The following ABI2 variants were observed in gnomAD, a reference collection of about 807,000 sequenced individuals.
ABI2 encodes abl interactor 2, also known as abelson interactor 2.
In ABI2, 25 loss-of-function variants were observed where a neutral mutation model predicts 59.2. The observed-to-expected ratio is 0.42, with a 90% CI of 0.31 to 0.59. The LOEUF (loss-of-function observed/expected upper bound fraction) is 0.59. Ranked by LOEUF, ABI2 falls within the 20% of genes least tolerant of loss-of-function variation. The pLI, the probability that ABI2 is intolerant of heterozygous loss-of-function variation, is 0.14. For missense variants in ABI2, 545 were observed against 681.8 expected (o/e 0.80, Z 2.23); for synonymous variants, 213 against 235.5 (o/e 0.90, Z 0.87).
chr2:203,341,716 A>C (rs376863891), intron 1 of ABI2, among the ~76,000 whole-genome samples: 3 of 152,342 alleles, frequency 2.0e-5, no homozygotes, highest in African/African-American at 7.2e-5. Context: ...TCTCAAAAAA[A>C]AACAAAAGAA....
At position 203,396,773 on chromosome 2, in the gene ABI2, C is replaced by T. The variant is rs750786500; in HGVS notation, c.851-12C>T. The T allele has an allele frequency of 1.3e-6, 2 of 1,520,934 alleles. No homozygotes were observed. The highest frequency in any genetic ancestry group is 2.5e-5 in the South Asian group (2 of 80,904). The allele number at this position is 1,520,934 out of a possible 1,614,324, so 94.2% of individuals were successfully genotyped here. A position where few individuals can be genotyped will look rare whatever the true frequency, so the allele number is the denominator to read the frequency against. ...CTCATTAATGCTGCCTCTTACTCCT[C>T]TTTCCCCTCAGCCCCTGCTGGCTCT... On this transcript the variant is annotated splice_polypyrimidine_tract_variant and intron_variant, in intron 7 of 11. Coordinates refer to ENST00000261018, the MANE Select transcript of ABI2 (RefSeq NM_001375670.1).
At chr2:203,350,027 G>A (rs1011433230) in intron 1 of ABI2, among the ~76,000 whole-genome samples, 2 of 152,080 alleles carry the variant, frequency 1.3e-5, no homozygotes, top group South Asian at 2.1e-4. Context: ...GTGTGTGAGC[G>A]TTCCAGTTTC....
rs2098451263 is a variant in ABI2, at chr2:203,427,617, A to AT, written c.*266dup. 1.9e-5 allele frequency: 6 copies of AT among 310,354 alleles called. No individual in the cohort carries two copies. The South Asian group carries it at 4.6e-4, about 24-fold the overall frequency. The allele number at this position is 310,354 out of a possible 1,614,324, so 19.2% of individuals were successfully genotyped here. On this transcript the variant is annotated 3_prime_UTR_variant, in exon 12 of 12. Coordinates refer to ENST00000261018, the MANE Select transcript of ABI2 (RefSeq NM_001375670.1). ...TTATGTATGTCAAAGGTATAACAGC[A>AT]TAACTGTGTAGCCAAAACAAAATCA...
intron 2 of ABI2, among the ~76,000 whole-genome samples, chr2:203,379,692 G>A (rs2095978841): frequency 6.6e-6 from 1 of 152,106 alleles, no homozygotes; most frequent in African/African-American, 2.4e-5. Context: ...TTAATGGAGA[G>A]GGAAAAATTA....
chr2:203,412,879 C>A (rs2097734921), intron 10 of ABI2, among the ~76,000 whole-genome samples: 1 of 152,194 alleles, frequency 6.6e-6, no homozygotes, highest in Non-Finnish European at 1.5e-5. Flanking sequence ...GATTTAATTA[C>A]AGTACGAGAA....
At chr2:203,352,658 TTA>T (rs2089565168) in intron 1 of ABI2, among the ~76,000 whole-genome samples, 2 of 152,154 alleles carry the variant, frequency 1.3e-5, no homozygotes, top group South Asian at 4.1e-4. Flanking sequence ...AGTCAAAAGT[TTA>T]TGAGGTAAAA....
chr2:203,411,497 G>T, intron 10 of ABI2, 126 bp downstream of exon 10: 4 of 744,668 alleles, frequency 5.4e-6, no homozygotes, highest in Non-Finnish European at 6.6e-6. Flanking sequence ...ACAAATCACT[G>T]TCTGGCTAGT....
At chr2:203,425,338 G>T (rs1411916223) in intron 11 of ABI2, among the ~76,000 whole-genome samples, 1 of 152,050 alleles carries the variant, frequency 6.6e-6, no homozygotes, top group Non-Finnish European at 1.5e-5. Flanking sequence ...AAGTAGCTGG[G>T]ATTACAGGCG....
chr2:203,408,879 C>T (rs1316343877), intron 9 of ABI2, among the ~76,000 whole-genome samples: 6 of 109,154 alleles, frequency 5.5e-5, no homozygotes, highest in South Asian at 3.9e-4. Flanking sequence ...TCGCCCAGGT[C>T]GGACTGCGGA....
At chr2:203,399,608 C>T (rs781362113) in intron 8 of ABI2, among the ~76,000 whole-genome samples, 5 of 152,256 alleles carry the variant, frequency 3.3e-5, no homozygotes, top group South Asian at 2.1e-4. Flanking sequence ...CTCCGCCTCG[C>T]GGGTTCAAGC....
At chr2:203,335,851 C>T (rs1336573204) in intron 1 of ABI2, among the ~76,000 whole-genome samples, 1 of 152,104 alleles carries the variant, frequency 6.6e-6, no homozygotes, top group Non-Finnish European at 1.5e-5. Flanking sequence ...TGGTACAAGT[C>T]ACCCTTTTTA....
At chr2:203,413,752 A>G (rs1033101111) in intron 10 of ABI2, among the ~76,000 whole-genome samples, 2 of 152,228 alleles carry the variant, frequency 1.3e-5, no homozygotes, top group Admixed American at 1.3e-4. Context: ...CTTTTGGTAC[A>G]TCTTCAAAGA....
chr2:203,336,840 A>G (rs1399216223), intron 1 of ABI2, among the ~76,000 whole-genome samples: 5 of 152,176 alleles, frequency 3.3e-5, no homozygotes, highest in African/African-American at 1.2e-4. Flanking sequence ...CCGTATGGTA[A>G]ATGTGTGTTT....
chr2:203,389,038 C>A (rs2096641531), intron 4 of ABI2, among the ~76,000 whole-genome samples: 1 of 152,000 alleles, frequency 6.6e-6, no homozygotes, highest in Admixed American at 6.6e-5. Context: ...ACTTTGGTTA[C>A]CACTTTAAAA....
At chr2:203,398,034 G>A (rs991636512) in intron 8 of ABI2, among the ~76,000 whole-genome samples, 4 of 152,192 alleles carry the variant, frequency 2.6e-5, no homozygotes, top group African/African-American at 4.8e-5. Flanking sequence ...ATCAATCACC[G>A]TAGTGTTCCA....
chr2:203,335,499 G>A (rs2076050637), intron 1 of ABI2, among the ~76,000 whole-genome samples: 1 of 152,148 alleles, frequency 6.6e-6, no homozygotes, highest in Non-Finnish European at 1.5e-5. Context: ...CTGGGCTCAA[G>A]CAATTCTCCT....
chr2:203,374,781 A>G (rs1258253376), intron 2 of ABI2: 4 of 445,436 alleles, frequency 9.0e-6, no homozygotes, highest in Non-Finnish European at 1.4e-5. Context: ...AAAACACCCA[A>G]TTTAGTTGGG....
intron 6 of ABI2, chr2:203,395,238 G>T (rs1273494350): frequency 1.8e-6 from 1 of 558,832 alleles, no homozygotes; most frequent in Non-Finnish European, 3.1e-6. Flanking sequence ...AATCTGTTTA[G>T]GAAAATGTTT....
At position 203,431,258 on chromosome 2, in the gene ABI2, T is replaced by C. The variant is rs2098481270; in HGVS notation, c.*3906T>C. 6.6e-6 allele frequency: 1 copy of C among 152,642 alleles called. No individual in the cohort carries two copies. Among genetic ancestry groups the C allele is most frequent in the Admixed American group, 6.5e-5 (1 of 15,276 alleles). The allele number at this position is 152,642 out of a possible 1,614,324, so 9.5% of individuals were successfully genotyped here. A position where few individuals can be genotyped will look rare whatever the true frequency, so the allele number is the denominator to read the frequency against. ...GAGTTTTCTTCTTCATATGAACAGCTAGTTAATAACAGCAGAGTTCTCACT... is the reference window on the plus strand; with the variant it reads ...GAGTTTTCTTCTTCATATGAACAGCCAGTTAATAACAGCAGAGTTCTCACT... On this transcript the variant is annotated 3_prime_UTR_variant, in exon 12 of 12. Coordinates refer to ENST00000261018, the MANE Select transcript of ABI2 (RefSeq NM_001375670.1).
Sources: allele counts gnomAD v4.1 joint callset (sites outside exome capture counted in the v4.1 genomes callset), GRCh38; gene constraint gnomAD v4.1.1; transcripts MANE v1.5; gene names NCBI Gene and HGNC (gene_info 2026-07-23, HGNC 2026-07-21).